Variants in SQOR observed in about 807,000 individuals in gnomAD.
SQOR encodes the protein sulfide quinone oxidoreductase.
A neutral mutation model predicts 48.6 loss-of-function variants in SQOR; 39 were observed. The ratio of observed to expected loss-of-function variants is 0.80; its 90% CI spans 0.62 to 1.05. SQOR has a LOEUF of 1.05. Among genes scored for constraint, SQOR ranks in the 50% least tolerant of loss-of-function variants. The pLI is 0.00. For missense variants in SQOR, 561 were observed against 559.9 expected (o/e 1.00, Z -0.02); for synonymous variants, 220 against 206.2 (o/e 1.07, Z -0.57).
intron 3 of SQOR, among the ~76,000 whole-genome samples, chr15:45,666,471 A>AAAT (rs1182072875): frequency 2.0e-5 from 3 of 152,072 alleles, no homozygotes; most frequent in African/African-American, 4.8e-5. Context: ...TTCATTTGTA[A>AAAT]AATAATAATA....
chr15:45,646,226 C>A (rs1036430023), intron 1 of SQOR, among the ~76,000 whole-genome samples: 1 of 152,238 alleles, frequency 6.6e-6, no homozygotes, highest in Non-Finnish European at 1.5e-5. Flanking sequence ...CTGTTCTGCC[C>A]TATCGCAGCA....
chr15:45,663,654 C>T (rs1309355947), intron 3 of SQOR, among the ~76,000 whole-genome samples: 1 of 152,038 alleles, frequency 6.6e-6, no homozygotes, highest in African/African-American at 2.4e-5. Flanking sequence ...GTGGTTCCAG[C>T]TACTTGGGAG....
At chr15:45,682,169 A>G (rs553446019) in intron 6 of SQOR, among the ~76,000 whole-genome samples, 2 of 152,294 alleles carry the variant, frequency 1.3e-5, no homozygotes, top group African/African-American at 4.8e-5. Context: ...TAAAAACATC[A>G]ATGGATTTTT....
In SQOR at chr15:45,682,510, C is replaced by A. The variant is rs965889181; in HGVS notation, c.897C>A (p.Ser299Arg). ...YEMLHVTPPM[S>R]PPDVLKTSPV... is the part of the protein sequence containing the mutation. ...TGCTTCATGTCACACCTCCAATGAG[C>A]CCACCAGATGTCCTCAAGACCAGTC... Residue 299 changes from serine to arginine, a missense_variant, in exon 7 of 10, where the codon AGC becomes AGA. By Grantham distance (110) the Ser-to-Arg change is moderately radical (BLOSUM62 -1). Coordinates refer to ENST00000260324, the MANE Select transcript of SQOR (RefSeq NM_021199.4). 3 of 1,614,128 alleles carry A rather than the reference C, an allele frequency of 1.9e-6. No individual in the cohort carries two copies. Among genetic ancestry groups the A allele is most frequent in the Non-Finnish European group, 2.5e-6 (3 of 1,179,996 alleles).
At chr15:45,661,843 T>C in intron 2 of SQOR, 112 bp from the exon 3 acceptor site, 3 of 1,119,906 alleles carry the variant, frequency 2.7e-6, no homozygotes, top group South Asian at 3.4e-5. Flanking sequence ...TTCCATACGA[T>C]GCTCTAAAGG....
intron 4 of SQOR, among the ~76,000 whole-genome samples, chr15:45,672,379 T>C (rs564689692): frequency 2.0e-5 from 3 of 152,244 alleles, no homozygotes; most frequent in East Asian, 3.9e-4. Flanking sequence ...ATAATAATAA[T>C]GATATTATTA....
intron 3 of SQOR, among the ~76,000 whole-genome samples, chr15:45,668,836 G>A (rs1038091716): frequency 9.2e-5 from 14 of 152,016 alleles, no homozygotes; most frequent in African/African-American, 3.4e-4. Flanking sequence ...TGTACTTTAC[G>A]GCCACTTTGT....
Position 45,682,460 on chromosome 15 carries a change from TTCTC to T in SQOR, c.865-14_865-11del, listed in dbSNP as rs761813609. On this transcript the variant is annotated splice_polypyrimidine_tract_variant and intron_variant, in intron 6 of 9. Transcript: ENST00000260324. ...AATATTGAATAAATGAAAATGTGGATTCTCTCTTTGTGTGTAGTATGAAATGCTT... is the reference window on the plus strand; with the variant it reads ...AATATTGAATAAATGAAAATGTGGATTCTTTGTGTGTAGTATGAAATGCTT... 1 of 1,612,710 alleles carries T rather than the reference TTCTC, an allele frequency of 6.2e-7. No individual in the cohort carries two copies.
intron 1 of SQOR, among the ~76,000 whole-genome samples, chr15:45,651,834 AT>A (rs1889497026): frequency 6.6e-6 from 1 of 151,770 alleles, no homozygotes; most frequent in African/African-American, 2.4e-5. Context: ...CTCCTGTATC[AT>A]TGGTAGTTAA....
chr15:45,690,137 C>T (rs1182268577), intron 9 of SQOR, among the ~76,000 whole-genome samples: 1 of 129,328 alleles, frequency 7.7e-6, no homozygotes, highest in Non-Finnish European at 1.7e-5. Context: ...GTGATCTCAG[C>T]TCGCTGCAAC....
chr15:45,661,320 A>G (rs1889716635), intron 2 of SQOR, among the ~76,000 whole-genome samples: 2 of 144,758 alleles, frequency 1.4e-5, no homozygotes, highest in South Asian at 2.2e-4. Context: ...AAAAAGGACC[A>G]TCTGAAGCAA....
At chr15:45,669,266 C>T (rs187399029) in intron 3 of SQOR, among the ~76,000 whole-genome samples, 43 of 151,918 alleles carry the variant, frequency 2.8e-4, no homozygotes, top group Admixed American at 7.2e-4. Flanking sequence ...ACCTCCCAGG[C>T]TCAAGCGATT....
At chr15:45,648,147 T>G (rs969182415) in intron 1 of SQOR, among the ~76,000 whole-genome samples, 1 of 152,128 alleles carries the variant, frequency 6.6e-6, no homozygotes, top group African/African-American at 2.4e-5. Context: ...TGTTAGTTAT[T>G]ATTTCAATGA....
chr15:45,682,578 C>T lies in SQOR; in HGVS notation c.965C>T (p.Thr322Ile), dbSNP rs765426317. 1 of 1,614,208 alleles carries T rather than the reference C, an allele frequency of 6.2e-7. No individual in the cohort carries two copies. The highest frequency in any genetic ancestry group is 1.7e-5 in the Admixed American group (1 of 60,018). Residue 322 changes from threonine (T) to isoleucine (I), a missense_variant, in exon 7 of 10, where the codon ACT (threonine) becomes ATT (isoleucine). Transcript: ENST00000260324. ...GGTTGGGTGGATGTGGATAAAGAAACTCTGCAACACAGGAGGTACCCAAAT... is the reference window on the plus strand; with the variant it reads ...GGTTGGGTGGATGTGGATAAAGAAATTCTGCAACACAGGAGGTACCCAAAT... ...AAGWVDVDKETLQHRRYPNVF... is the reference protein window; with the variant it reads ...AAGWVDVDKEILQHRRYPNVF...
At chr15:45,636,872 C>G (rs1168695328) in intron 1 of SQOR, among the ~76,000 whole-genome samples, 1 of 152,104 alleles carries the variant, frequency 6.6e-6, no homozygotes, top group Non-Finnish European at 1.5e-5. Flanking sequence ...ACTTTTCCAT[C>G]TAAGTTTTTG....
intron 3 of SQOR, among the ~76,000 whole-genome samples, chr15:45,663,984 T>C (rs1420372154): frequency 1.3e-5 from 2 of 152,276 alleles, no homozygotes; most frequent in East Asian, 3.9e-4. Flanking sequence ...AGGGAGAACA[T>C]ACAATCAACA....
At chr15:45,670,587 A>G (rs1037897423) in intron 4 of SQOR, among the ~76,000 whole-genome samples, 1 of 152,264 alleles carries the variant, frequency 6.6e-6, no homozygotes, top group African/African-American at 2.4e-5. Flanking sequence ...GGTAAATATT[A>G]TCATTTCCAG....
At chr15:45,654,930 G>T (rs74187955) in intron 1 of SQOR, among the ~76,000 whole-genome samples, 13,899 of 152,110 alleles carry the variant, frequency 0.091, 891 homozygotes, top group Admixed American at 0.19. Context: ...TTATGCAAAT[G>T]AACTTTCCCC....
upstream of SQOR, chr15:45,632,166 T>A (rs1161399325): frequency 6.6e-6 from 1 of 151,830 alleles, no homozygotes; most frequent in Non-Finnish European, 1.5e-5. Context: ...ATGTGGGATA[T>A]GCTCAGGACA....
Sources: allele counts gnomAD v4.1 joint callset (sites outside exome capture counted in the v4.1 genomes callset), GRCh38; gene constraint gnomAD v4.1.1; transcripts MANE v1.5; gene names NCBI Gene and HGNC (gene_info 2026-07-23, HGNC 2026-07-21).